USP47: variants seen among roughly 807,000 people sequenced by gnomAD.
USP47 encodes the protein ubiquitin carboxyl-terminal hydrolase 47.
In USP47, 35 loss-of-function variants were observed where a neutral mutation model predicts 165.1. The observed-to-expected ratio is 0.21, with a 90% CI of 0.16 to 0.28. USP47 has a LOEUF of 0.28. Ranked by LOEUF, USP47 falls within the 10% of genes least tolerant of loss-of-function variation. The pLI is 1.00. For synonymous variants in USP47, 531 were observed against 544.5 expected (o/e 0.98, Z 0.35); for missense variants, 1,277 against 1,607.4 (o/e 0.79, Z 3.52).
At chr11:11,855,389 C>A (rs1355598240) in intron 1 of USP47, among the ~76,000 whole-genome samples, 1 of 152,090 alleles carries the variant, frequency 6.6e-6, no homozygotes, top group Non-Finnish European at 1.5e-5. Context: ...AAGAGACTGT[C>A]CCTGTCAGTG....
chr11:11,892,829 A>G (rs969693014), intron 4 of USP47, among the ~76,000 whole-genome samples: 2 of 144,346 alleles, frequency 1.4e-5, no homozygotes, highest in Non-Finnish European at 3.0e-5. Flanking sequence ...AAAAAAAAAA[A>G]AAAAAGAAAA....
intron 10 of USP47, among the ~76,000 whole-genome samples, chr11:11,921,570 C>T (rs1853841012): frequency 1.3e-5 from 2 of 151,892 alleles, no homozygotes; most frequent in African/African-American, 2.4e-5. Context: ...AAAATAATGT[C>T]TCAGACAGTT....
At chr11:11,889,475 A>G (rs1342123874) in intron 3 of USP47, among the ~76,000 whole-genome samples, 2 of 152,166 alleles carry the variant, frequency 1.3e-5, no homozygotes, top group African/African-American at 4.8e-5. Flanking sequence ...CTACAGAAAG[A>G]AAATACCCAG....
At chr11:11,883,711 T>TA (rs1221782454) in intron 2 of USP47, among the ~76,000 whole-genome samples, 1 of 152,210 alleles carries the variant, frequency 6.6e-6, no homozygotes, top group Non-Finnish European at 1.5e-5. Context: ...GCTTGGGGCA[T>TA]ACAGAGTTTC....
chr11:11,933,331 G>A (rs1348135873), intron 15 of USP47, among the ~76,000 whole-genome samples: 1 of 152,090 alleles, frequency 6.6e-6, no homozygotes, highest in Non-Finnish European at 1.5e-5. Context: ...TGCTGGTGAA[G>A]CCACAGTTGA....
chr11:11,956,168 A>G lies in USP47; in HGVS notation c.4061A>G (p.Gln1354Arg). 2 of 1,614,040 alleles carry G rather than the reference A, an allele frequency of 1.2e-6. No individual in the cohort carries two copies. The highest frequency in any genetic ancestry group is 1.3e-5 in the African/African-American group (1 of 75,036). ...GGAGCACCAAATAAAGATCTGACTC[A>G]AGACTGACTCTGATAGTGTAGCATT... ...LDGAPNKDLT[Q>R]D Residue 1354 changes from glutamine (Q) to arginine (R), a missense_variant, in exon 28 of 28, where the codon CAA becomes CGA. Around this residue, in one of 4 missense-constraint regions of USP47, gnomAD observed 909 missense variants for 1,068.1 expected, o/e 0.85. Transcript: ENST00000527733.
chr11:11,940,649 GTC>G, intron 19 of USP47, 101 bp downstream of exon 19: 1 of 1,280,134 alleles, frequency 7.8e-7, no homozygotes, highest in Non-Finnish European at 1.1e-6. Flanking sequence ...TTCAACATCT[GTC>G]TGGAACTTAA....
chr11:11,873,164 G>A (rs901440786), intron 1 of USP47, among the ~76,000 whole-genome samples: 1 of 152,088 alleles, frequency 6.6e-6, no homozygotes, highest in African/African-American at 2.4e-5. Flanking sequence ...AAGTAAAAGC[G>A]CCTTTCAAGA....
intron 19 of USP47, 86 bp from the exon 20 acceptor site, chr11:11,942,249 G>A: frequency 7.4e-7 from 1 of 1,358,794 alleles, no homozygotes; most frequent in Non-Finnish European, 1.0e-6. Context: ...ACTGTGTATT[G>A]TGTTGTATTG....
intron 1 of USP47, among the ~76,000 whole-genome samples, chr11:11,866,767 A>G (rs1849707845): frequency 6.6e-6 from 1 of 152,234 alleles, no homozygotes; most frequent in South Asian, 2.1e-4. Flanking sequence ...TTCTCTCACA[A>G]CAATGAAAGT....
At chr11:11,900,031 A>G (rs948254091) in intron 5 of USP47, among the ~76,000 whole-genome samples, 31 of 152,198 alleles carry the variant, frequency 2.0e-4, no homozygotes, top group African/African-American at 7.5e-4. Flanking sequence ...GTAAAAGGAT[A>G]GACTAGAGAG....
intron 1 of USP47, among the ~76,000 whole-genome samples, chr11:11,861,696 C>G (rs897849883): frequency 6.6e-6 from 1 of 151,970 alleles, no homozygotes; most frequent in African/African-American, 2.4e-5. Flanking sequence ...ATGCATTTAC[C>G]TGAGGGACAC....
At chr11:11,868,879 A>C (rs1489014303) in intron 1 of USP47, among the ~76,000 whole-genome samples, 2 of 151,896 alleles carry the variant, frequency 1.3e-5, no homozygotes, top group Non-Finnish European at 2.9e-5. Context: ...AATGGTTAGT[A>C]TGTTGTACAT....
chr11:11,867,208 C>T (rs1336426971), intron 1 of USP47, among the ~76,000 whole-genome samples: 2 of 152,120 alleles, frequency 1.3e-5, no homozygotes, highest in African/African-American at 4.8e-5. Context: ...TCTCTGACTA[C>T]ATGTAAATTC....
At chr11:11,912,137 A>G (rs1026316586) in intron 8 of USP47, among the ~76,000 whole-genome samples, 1 of 151,896 alleles carries the variant, frequency 6.6e-6, no homozygotes, top group African/African-American at 2.4e-5. Context: ...GGGCCAAATC[A>G]GAAATCTAAG....
At chr11:11,903,877 G>A (rs1394621431) in intron 7 of USP47, among the ~76,000 whole-genome samples, 2 of 152,072 alleles carry the variant, frequency 1.3e-5, no homozygotes, top group African/African-American at 4.8e-5. Context: ...GAATGGGATG[G>A]GGCTCAATAC....
At chr11:11,884,092 T>A (rs996293252) in intron 2 of USP47, among the ~76,000 whole-genome samples, 2 of 152,248 alleles carry the variant, frequency 1.3e-5, no homozygotes, top group Non-Finnish European at 2.9e-5. Flanking sequence ...TGTAAAATTA[T>A]CTTTGGTCAA....
chr11:11,884,292 T>TACTG (rs1280275585), intron 2 of USP47, among the ~76,000 whole-genome samples, 175 bp from the exon 3 acceptor site: 1 of 152,190 alleles, frequency 6.6e-6, no homozygotes, highest in African/African-American at 2.4e-5. Flanking sequence ...TATGCACTGT[T>TACTG]ACTGGGCTTA....
In USP47 at chr11:11,894,317, G is replaced by A. The variant is rs570316977; in HGVS notation, c.496+2211G>A. On this transcript the variant is annotated intron_variant, in intron 4 of 27. Coordinates refer to ENST00000527733, the MANE Select transcript of USP47 (RefSeq NM_001282659.2). ...CTAAAAATACAAAAATTAGCTGACCGTGGTAGCAGGTGCCTGTAATCCCAG... is the reference window on the plus strand; with the variant it reads ...CTAAAAATACAAAAATTAGCTGACCATGGTAGCAGGTGCCTGTAATCCCAG... Among the ~76,000 whole-genome samples, 16 of 152,138 alleles carry A rather than the reference G, an allele frequency of 1.1e-4. 1 individual carries two copies. In the South Asian group the frequency reaches 2.1e-3, roughly 20 times the overall value.
Sources: allele counts gnomAD v4.1 joint callset (sites outside exome capture counted in the v4.1 genomes callset), GRCh38; gene constraint gnomAD v4.1.1; regional missense constraint gnomAD v4.1.1; transcripts MANE v1.5; gene names NCBI Gene and HGNC (gene_info 2026-07-23, HGNC 2026-07-21).